The following ELL2 variants were observed in gnomAD, a reference collection of about 807,000 sequenced individuals.
ELL2 encodes elongation factor for RNA polymerase II 2, also known as RNA polymerase II elongation factor ELL2.
ELL2 carries 21 observed loss-of-function variants against 72.8 expected under a neutral mutation model. The observed-to-expected ratio is 0.29, with a 90% CI of 0.20 to 0.42. The LOEUF (loss-of-function observed/expected upper bound fraction) is 0.42. ELL2 is among the 10% of genes least tolerant of loss of function. The probability of loss-of-function intolerance (pLI) is 1.00; values close to 1 mark genes in which losing one functional copy is unlikely to be tolerated. For missense variants in ELL2, 568 were observed against 772.8 expected (o/e 0.73, Z 3.14); for synonymous variants, 266 against 283.2 (o/e 0.94, Z 0.61).
In ELL2 at chr5:95,943,053, T is replaced by G. The variant is rs1751027496; in HGVS notation, c.148-4A>C. 1.3e-6 allele frequency: 2 copies of G among 1,599,752 alleles called. No homozygotes were observed. Among genetic ancestry groups the G allele is most frequent in the African/African-American group, 1.3e-5 (1 of 74,260 alleles). On this transcript the variant is annotated splice_polypyrimidine_tract_variant and splice_region_variant and intron_variant, in intron 1 of 11. Coordinates refer to ENST00000237853, the MANE Select transcript of ELL2 (RefSeq NM_012081.6). ...AAGGTCGAAAAGGAATTAAATTCTA[T>G]TAAAAGAAACAAAAGAAACAAACAG...
chr5:95,953,146 G>T (rs1252051644), intron 1 of ELL2, among the ~76,000 whole-genome samples: 5 of 152,182 alleles, frequency 3.3e-5, no homozygotes, highest in Admixed American at 1.3e-4. Context: ...ACTTTATAGT[G>T]TTCATTTTTT....
chr5:95,953,087 C>T (rs75552290), intron 1 of ELL2, among the ~76,000 whole-genome samples: 5,844 of 152,198 alleles, frequency 0.038, 185 homozygotes, highest in Admixed American at 0.078. Context: ...GTGGAAACAA[C>T]GGGCTGAGCA....
intron 2 of ELL2, among the ~76,000 whole-genome samples, chr5:95,931,796 TAAAA>T (rs368583353): frequency 1.4e-5 from 1 of 72,548 alleles, no homozygotes. Flanking sequence ...GCCCTATCCA[TAAAA>T]AAAAAAAAAA....
At position 95,961,629 on chromosome 5, in the gene ELL2, A is replaced by G. The variant is rs750851160; in HGVS notation, c.93T>C (p.His31=). 6 of 1,608,986 alleles carry G rather than the reference A, an allele frequency of 3.7e-6. No homozygotes were observed. The highest frequency in any genetic ancestry group is 5.1e-6 in the Non-Finnish European group (6 of 1,178,284). ...GGATCGCCGTCTCGGTGAGCTTCAC[A>G]TGCAGTACGGTGATGTTGTCCTGCC... The part of the protein sequence containing the change: ...RLGQDNITVL[H]VKLTETAIRA... The change falls in exon 1 of 12, where the codon CAT becomes CAC. Residue 31 remains histidine, a synonymous_variant. Transcript: ENST00000237853.
At chr5:95,936,729 AGT>A (rs1561509306) in intron 2 of ELL2, among the ~76,000 whole-genome samples, 2 of 151,914 alleles carry the variant, frequency 1.3e-5, no homozygotes, top group African/African-American at 4.8e-5. Context: ...TAGGTGACAG[AGT>A]AAGGGATGGT....
At chr5:95,909,281 C>T (rs951910357) in intron 4 of ELL2, among the ~76,000 whole-genome samples, 28 of 152,208 alleles carry the variant, frequency 1.8e-4, no homozygotes, top group African/African-American at 6.8e-4. Flanking sequence ...CCAAAACACT[C>T]ACTTTGTCCT....
chr5:95,896,734 C>T (rs566579537), intron 8 of ELL2, among the ~76,000 whole-genome samples: 28 of 152,290 alleles, frequency 1.8e-4, no homozygotes, highest in African/African-American at 6.3e-4. Context: ...GCTTTCCTAA[C>T]TTTGTAATTA....
At position 95,886,517 on chromosome 5, in the gene ELL2, C is replaced by A. The variant is rs1184920616; in HGVS notation, c.*2354G>T. ...GATGTGCTGATGTACAGGGTAGGAG[C>A]TCCAATGGCTAACCATTCACCAACT... is the stretch of plus-strand genomic sequence containing the variant. On this transcript the variant is annotated 3_prime_UTR_variant, in exon 12 of 12. Coordinates refer to ENST00000237853, the MANE Select transcript of ELL2 (RefSeq NM_012081.6). The A allele has an allele frequency of 6.6e-6, 1 of 152,128 alleles. No homozygotes were observed. Among genetic ancestry groups the A allele is most frequent in the Non-Finnish European group, 1.5e-5 (1 of 68,026 alleles). 9.4% of individuals were successfully genotyped at this position (152,128 alleles called of 1,614,324 possible). A position where few individuals can be genotyped will look rare whatever the true frequency, so the allele number is the denominator to read the frequency against.
At chr5:95,912,255 G>A (rs1749632186) in intron 4 of ELL2, among the ~76,000 whole-genome samples, 2 of 152,126 alleles carry the variant, frequency 1.3e-5, no homozygotes, top group Non-Finnish European at 2.9e-5. Context: ...CAATGGAAAA[G>A]TGCAGTCATC....
At chr5:95,931,236 A>G (rs578034594) in intron 2 of ELL2, among the ~76,000 whole-genome samples, 1 of 152,102 alleles carries the variant, frequency 6.6e-6, no homozygotes, top group East Asian at 1.9e-4. Flanking sequence ...CCCAGTTTCC[A>G]TACTTGTAAA....
chr5:95,959,676 A>AT (rs1290088154), intron 1 of ELL2, among the ~76,000 whole-genome samples: 1 of 151,716 alleles, frequency 6.6e-6, no homozygotes, highest in Non-Finnish European at 1.5e-5. Context: ...CATTCTTGAG[A>AT]TTTTCTCTCG....
Position 95,919,415 on chromosome 5 carries a change from A to C in ELL2, c.317+9T>G. The C allele has an allele frequency of 6.3e-7, 1 of 1,576,008 alleles. No individual in the cohort carries two copies. The highest frequency in any genetic ancestry group is 8.6e-7 in the Non-Finnish European group (1 of 1,169,006). On this transcript the variant is annotated intron_variant, in intron 3 of 11. Transcript: ENST00000237853. ...TTTTCCCCTTCAGTGTACCTTGAAA[A>C]GTACTTACCTGGAGAATGTTTGCTG...
Position 95,927,439 on chromosome 5 carries a change from G to A in ELL2, c.196-7894C>T, listed in dbSNP as rs1346705557. 8.2e-4 allele frequency among the ~76,000 whole-genome samples: 29 copies of A among 35,238 alleles called. 1 individual carries two copies. Among genetic ancestry groups the A allele is most frequent in the African/African-American group, 4.4e-3 (16 of 3,676 alleles). 23.1% of individuals were successfully genotyped at this position (35,238 alleles called of 152,430 possible). On this transcript the variant is annotated intron_variant, in intron 2 of 11. Transcript: ENST00000237853. The stretch of plus-strand genomic sequence containing the variant: ...TATATAGACATACACACACACGTGT[G>A]TATATAGACATACACACACACGTGT...
At chr5:95,949,375 C>A (rs906196893) in intron 1 of ELL2, among the ~76,000 whole-genome samples, 1 of 152,004 alleles carries the variant, frequency 6.6e-6, no homozygotes, top group East Asian at 1.9e-4. Context: ...GTGTGGTTAC[C>A]TTTCCCTTAT....
At chr5:95,938,818 G>T (rs1421883644) in intron 2 of ELL2, among the ~76,000 whole-genome samples, 3 of 152,130 alleles carry the variant, frequency 2.0e-5, no homozygotes, top group Non-Finnish European at 4.4e-5. Flanking sequence ...AACTAAATTA[G>T]AAAGAATTTA....
Position 95,937,006 on chromosome 5 carries a change from G to A in ELL2, c.195+5996C>T, listed in dbSNP as rs142676098. 2.5e-4 allele frequency among the ~76,000 whole-genome samples: 38 copies of A among 152,272 alleles called. 1 individual carries two copies. The East Asian group carries it at 6.7e-3, about 27-fold the overall frequency. On this transcript the variant is annotated intron_variant, in intron 2 of 11. Coordinates refer to ENST00000237853, the MANE Select transcript of ELL2 (RefSeq NM_012081.6). Reference sequence around the variant, plus strand: ...TATCATGGTGCCTGGTACACATCGCGCACTGACAAATATTTGCTAAGTGAA... The same window carrying A: ...TATCATGGTGCCTGGTACACATCGCACACTGACAAATATTTGCTAAGTGAA...
chr5:95,901,121 T>C, intron 5 of ELL2, 41 bp from the exon 6 acceptor site: 1 of 1,562,822 alleles, frequency 6.4e-7, no homozygotes, highest in Non-Finnish European at 8.6e-7. Context: ...GTATTTTTAC[T>C]ATCATCTCCT....
chr5:95,949,704 A>G (rs1306264889), intron 1 of ELL2, among the ~76,000 whole-genome samples: 1 of 150,768 alleles, frequency 6.6e-6, no homozygotes, highest in Non-Finnish European at 1.5e-5. Context: ...ATACTGCAAA[A>G]AAAAAAAAAA....
In ELL2 at chr5:95,888,940, A is replaced by G; in HGVS notation, c.1854T>C (p.His618=). The part of the protein sequence containing the change: ...HEEKYRCEYL[H]NKLAHIKRLI... ...GCCTTTTGATGTGAGCCAGCTTGTT[A>G]TGAAGATATTCACATCTGTATTTTT... Residue 618 remains histidine, a synonymous_variant, in exon 12 of 12, where the codon CAT becomes CAC. Coordinates refer to ENST00000237853, the MANE Select transcript of ELL2 (RefSeq NM_012081.6). 1 of 1,609,630 alleles carries G rather than the reference A, an allele frequency of 6.2e-7. No homozygotes were observed. Among genetic ancestry groups the G allele is most frequent in the East Asian group, 2.2e-5 (1 of 44,590 alleles).
Sources: allele counts gnomAD v4.1 joint callset (sites outside exome capture counted in the v4.1 genomes callset), GRCh38; gene constraint gnomAD v4.1.1; transcripts MANE v1.5; gene names NCBI Gene and HGNC (gene_info 2026-07-23, HGNC 2026-07-21).